VPS53: variants seen among roughly 807,000 people sequenced by gnomAD.
The protein encoded by VPS53 is VPS53 subunit of GARP complex, also known as vacuolar protein sorting-associated protein 53 homolog.
Under a neutral mutation model 107.0 loss-of-function variants are expected in VPS53, and 70 were observed. That is an observed-to-expected ratio of 0.65 (90% CI 0.54 to 0.80). The LOEUF is 0.80. Among genes scored for constraint, VPS53 ranks in the 30% least tolerant of loss-of-function variants. VPS53 has a pLI of 0.00. For synonymous variants in VPS53, 409 were observed against 393.3 expected, an observed-to-expected ratio of 1.04 and a Z score of -0.47; for missense variants, 917 against 1,049.4, an observed-to-expected ratio of 0.87 and a Z score of 1.74.
chr17:536,167 C>T (rs1026782230), intron 18 of VPS53, among the ~76,000 whole-genome samples: 1 of 152,152 alleles, frequency 6.6e-6, no homozygotes, highest in Non-Finnish European at 1.5e-5. Flanking sequence ...TGGCCACACA[C>T]AAGACACAGC....
chr17:635,945 T>A (rs1052372124), intron 7 of VPS53, among the ~76,000 whole-genome samples: 2 of 152,208 alleles, frequency 1.3e-5, no homozygotes, highest in Admixed American at 6.5e-5. Flanking sequence ...AAGTCATTGG[T>A]AGCTTGATGG....
intron 7 of VPS53, among the ~76,000 whole-genome samples, chr17:643,833 C>G (rs1291858956): frequency 6.6e-6 from 1 of 152,144 alleles, no homozygotes; most frequent in African/African-American, 2.4e-5. Flanking sequence ...ACTTGGAAAC[C>G]GAGGACAACA....
chr17:605,778 T>C (rs1968546146), intron 11 of VPS53, among the ~76,000 whole-genome samples: 1 of 142,420 alleles, frequency 7.0e-6, no homozygotes, highest in Non-Finnish European at 1.5e-5. Flanking sequence ...TCGCATCATA[T>C]TGGTGAGTCA....
chr17:557,358 C>A (rs908950124), intron 15 of VPS53, among the ~76,000 whole-genome samples: 1 of 152,126 alleles, frequency 6.6e-6, no homozygotes, highest in Non-Finnish European at 1.5e-5. Flanking sequence ...CCCCACCAAT[C>A]CTAAATCCAG....
intron 4 of VPS53, chr17:674,453 C>G (rs1197205874): frequency 6.6e-6 from 1 of 152,252 alleles, no homozygotes. Flanking sequence ...GAGACACCTT[C>G]TGTGCCAAAT....
chr17:562,860 TAAAAC>T, intron 13 of VPS53, 115 bp from the exon 14 acceptor site: 1 of 1,207,324 alleles, frequency 8.3e-7, no homozygotes, highest in Non-Finnish European at 1.1e-6. Context: ...CTACTGCATT[TAAAAC>T]TTAAAATCGG....
rs1433710736 is a variant in VPS53, at chr17:653,346, G to T, written c.553C>A (p.Leu185Met). The T allele has an allele frequency of 5.0e-6, 8 of 1,614,128 alleles. No individual in the cohort carries two copies. The highest frequency in any genetic ancestry group is 4.2e-6 in the Non-Finnish European group (5 of 1,180,056). ...CCCATATACTTGTGGAAGTGCTCCA[G>T]GACATTCATCACACCCTGAAGGAGA... is the stretch of plus-strand genomic sequence containing the variant. ...ANLLQGVMNVLEHFHKYMGIP... is the reference protein window; with the variant it reads ...ANLLQGVMNVMEHFHKYMGIP... The change falls in exon 7 of 22, where the codon CTG (leucine) becomes ATG (methionine). Residue 185 changes from leucine (L) to methionine (M), a missense_variant. Coordinates refer to ENST00000437048, the MANE Select transcript of VPS53 (RefSeq NM_001128159.3).
chr17:531,226 G>A (rs925801839), intron 19 of VPS53, among the ~76,000 whole-genome samples: 1 of 152,152 alleles, frequency 6.6e-6, no homozygotes, highest in South Asian at 2.1e-4. Flanking sequence ...CAGGGGCCAC[G>A]TTGCCCTGTA....
intron 12 of VPS53, among the ~76,000 whole-genome samples, chr17:587,795 C>T (rs1237880855): frequency 1.3e-5 from 2 of 152,160 alleles, no homozygotes. Flanking sequence ...TAAATTGGCA[C>T]CCACAACATA....
chr17:579,987 G>A (rs1966906347), intron 13 of VPS53, among the ~76,000 whole-genome samples: 2 of 150,394 alleles, frequency 1.3e-5, no homozygotes, highest in African/African-American at 4.9e-5. Context: ...TGGGTTACCA[G>A]AAAACCTCCC....
At chr17:565,173 G>A (rs886965902) in intron 13 of VPS53, among the ~76,000 whole-genome samples, 3 of 151,922 alleles carry the variant, frequency 2.0e-5, no homozygotes, top group Non-Finnish European at 4.4e-5. Flanking sequence ...AAGCCGGGGC[G>A]GGTGGATCAC....
chr17:663,481 G>A (rs1017935401), intron 4 of VPS53, among the ~76,000 whole-genome samples: 5 of 151,406 alleles, frequency 3.3e-5, no homozygotes, highest in Non-Finnish European at 5.9e-5. Context: ...GACGTGTATC[G>A]ACCACATGCA....
At chr17:610,320 A>C (rs1968802473) in intron 11 of VPS53, among the ~76,000 whole-genome samples, 1 of 152,208 alleles carries the variant, frequency 6.6e-6, no homozygotes, top group Non-Finnish European at 1.5e-5. Flanking sequence ...AAACAACTTA[A>C]GCTGTGACAT....
At chr17:686,704 G>A (rs1316495273) in intron 4 of VPS53, among the ~76,000 whole-genome samples, 1 of 152,162 alleles carries the variant, frequency 6.6e-6, no homozygotes, top group African/African-American at 2.4e-5. Flanking sequence ...TGGAGCTGAC[G>A]GAAAAGCCAC....
intron 7 of VPS53, chr17:632,600 T>C (rs1970009441): frequency 2.5e-6 from 1 of 393,656 alleles, no homozygotes; most frequent in South Asian, 1.8e-5. Flanking sequence ...TACCAAATAC[T>C]AGATCGTATC....
intron 17 of VPS53, among the ~76,000 whole-genome samples, chr17:544,361 G>A (rs115569766): frequency 8.9e-4 from 136 of 152,254 alleles, no homozygotes; most frequent in Middle Eastern, 3.4e-3. Flanking sequence ...ACATCTGGTC[G>A]GGCACGATGG....
chr17:561,446 G>C (rs1317443857), intron 14 of VPS53, among the ~76,000 whole-genome samples: 1 of 152,128 alleles, frequency 6.6e-6, no homozygotes. Flanking sequence ...GTGGGAAAAT[G>C]CTCCCACGAT....
intron 19 of VPS53, 128 bp downstream of exon 19, chr17:532,714 A>G: frequency 2.0e-6 from 3 of 1,481,484 alleles, no homozygotes; most frequent in Non-Finnish European, 2.7e-6. Flanking sequence ...CGGGTGAGTC[A>G]TTATACTGTC....
chr17:701,161 A>G (rs1973182373), intron 2 of VPS53, among the ~76,000 whole-genome samples: 1 of 151,904 alleles, frequency 6.6e-6, no homozygotes, highest in Non-Finnish European at 1.5e-5. Flanking sequence ...CCATCTCTCC[A>G]AAAAATAAAA....
Sources: allele counts gnomAD v4.1 joint callset (sites outside exome capture counted in the v4.1 genomes callset), GRCh38; gene constraint gnomAD v4.1.1; transcripts MANE v1.5; gene names NCBI Gene and HGNC (gene_info 2026-07-23, HGNC 2026-07-21).